MICAL2: variants seen among roughly 807,000 people sequenced by gnomAD.
MICAL2 encodes the protein microtubule associated monooxygenase, calponin and LIM domain containing 2.
MICAL2 carries 77 observed loss-of-function variants against 127.3 expected under a neutral mutation model. The observed-to-expected ratio is 0.60, with a 90% CI of 0.50 to 0.73. The LOEUF is 0.73. Ranked by LOEUF, MICAL2 falls within the 30% of genes least tolerant of loss-of-function variation. The pLI is 0.00. For synonymous variants in MICAL2, 570 were observed against 551.1 expected, an observed-to-expected ratio of 1.03 and a Z score of -0.48; for missense variants, 1,351 against 1,434.4, an observed-to-expected ratio of 0.94 and a Z score of 0.94.
intron 1 of MICAL2, among the ~76,000 whole-genome samples, chr11:12,132,805 G>C (rs454697): frequency 6.6e-6 from 1 of 152,218 alleles, no homozygotes; most frequent in African/African-American, 2.4e-5. Context: ...TAATTCTCTA[G>C]CAAATGCTAG....
chr11:12,178,017 C>T (rs749372205), intron 3 of MICAL2, among the ~76,000 whole-genome samples: 1 of 152,220 alleles, frequency 6.6e-6, no homozygotes, highest in Non-Finnish European at 1.5e-5. Context: ...TGGTGGCTGG[C>T]AGCCCATAGG....
rs530419956 is a variant in MICAL2, at chr11:12,176,668, A to T, written c.264+14249A>T. On this transcript the variant is annotated intron_variant, in intron 3 of 27. Transcript: ENST00000683283. ...CTCCCCTCAGCCTTTGGCAACCACC[A>T]TTCTTTCTGTCTCTATGAATTTGAT... 3.9e-5 allele frequency among the ~76,000 whole-genome samples: 6 copies of T among 152,178 alleles called. No individual in the cohort carries two copies. In the South Asian group the frequency reaches 1.2e-3, roughly 32 times the overall value.
chr11:12,261,789 T>C (rs1242502897), intron 26 of MICAL2: 2 of 985,426 alleles, frequency 2.0e-6, no homozygotes, highest in African/African-American at 3.5e-5. Context: ...TCTGTCCTTG[T>C]TGGCACTGTT....
intron 29 of MICAL2, chr11:12,303,672 T>G (rs1590729819): frequency 6.6e-6 from 1 of 152,360 alleles, no homozygotes; most frequent in East Asian, 1.9e-4. Flanking sequence ...TTAGATATTC[T>G]TCTGTCAGAA....
intron 3 of MICAL2, among the ~76,000 whole-genome samples, chr11:12,168,157 C>CACACACAT: frequency 1.3e-5 from 2 of 151,422 alleles, no homozygotes. Context: ...CACACACACA[C>CACACACAT]ACACACACAC....
downstream of MICAL2, among the ~76,000 whole-genome samples, chr11:12,360,076 T>A (rs1939184735): frequency 6.6e-6 from 1 of 150,504 alleles, no homozygotes; most frequent in Non-Finnish European, 1.5e-5. Flanking sequence ...TTCCAAAGGT[T>A]GCAGTTCTTT....
chr11:12,221,198 T>G (rs540180061), intron 9 of MICAL2, among the ~76,000 whole-genome samples: 73 of 152,180 alleles, frequency 4.8e-4, no homozygotes, highest in Non-Finnish European at 8.5e-4. Flanking sequence ...CCTCCCCTCC[T>G]CCCATGCTCC....
intron 3 of MICAL2, chr11:12,195,918 T>C (rs1413444632): frequency 6.5e-6 from 1 of 152,710 alleles, no homozygotes; most frequent in African/African-American, 2.4e-5. Flanking sequence ...CCACATCCTG[T>C]GATTCTGACT....
chr11:12,149,129 C>T (rs1179485557), intron 2 of MICAL2, among the ~76,000 whole-genome samples: 3 of 152,066 alleles, frequency 2.0e-5, no homozygotes, highest in South Asian at 2.1e-4. Flanking sequence ...AAACAGAGTC[C>T]AGATAGGCAT....
intron 3 of MICAL2, among the ~76,000 whole-genome samples, chr11:12,196,911 C>A (rs1860013650): frequency 6.6e-6 from 1 of 152,172 alleles, no homozygotes; most frequent in African/African-American, 2.4e-5. Context: ...TCTCAGCATG[C>A]CATTTGTTTT....
chr11:12,239,623 G>A, intron 17 of MICAL2, 38 bp downstream of exon 17: 3 of 1,601,734 alleles, frequency 1.9e-6, no homozygotes, highest in Non-Finnish European at 2.6e-6. Context: ...CTAACTTCCT[G>A]GTGACTTTTC....
intron 32 of MICAL2, among the ~76,000 whole-genome samples, chr11:12,333,276 A>G (rs1475833668): frequency 6.6e-6 from 1 of 152,220 alleles, no homozygotes; most frequent in Non-Finnish European, 1.5e-5. Flanking sequence ...TGAAAAATTA[A>G]AGAGGAAAAT....
downstream of MICAL2, chr11:12,294,801 C>CTCCTCT: frequency 1.4e-6 from 2 of 1,387,050 alleles, no homozygotes; most frequent in Admixed American, 2.3e-5. Context: ...CAGGCAGCTC[C>CTCCTCT]TCCTCCTCCT....
Position 12,259,857 on chromosome 11 carries a change from C to T in MICAL2, c.3294C>T (p.Cys1098=), listed in dbSNP as rs752693820. 4.4e-6 allele frequency: 7 copies of T among 1,608,228 alleles called. No homozygotes were observed. The highest frequency in any genetic ancestry group is 2.2e-5 in the East Asian group (1 of 44,724). Residue 1098 remains cysteine, a synonymous_variant, in exon 26 of 28, where the codon TGC becomes TGT. Coordinates refer to ENST00000683283, the MANE Select transcript of MICAL2 (RefSeq NM_001282663.2). Reference sequence around the variant, plus strand: ...GAGACACTCCCACCGAAAGTTCTTGCGCAGTGGCCGCCATTGGCACCCTGG... The same window carrying T: ...GAGACACTCCCACCGAAAGTTCTTGTGCAGTGGCCGCCATTGGCACCCTGG... ...PRRDTPTESS[C]AVAAIGTLEG...
chr11:12,261,205 A>C, intron 26 of MICAL2: 7 of 985,504 alleles, frequency 7.1e-6, no homozygotes, highest in Non-Finnish European at 8.4e-6. Context: ...TTGCCTGTGG[A>C]CATCCTGACT....
At chr11:12,163,422 C>A (rs1185390703) in intron 3 of MICAL2, among the ~76,000 whole-genome samples, 2 of 152,216 alleles carry the variant, frequency 1.3e-5, no homozygotes, top group Admixed American at 6.5e-5. Context: ...GAGGATTGAA[C>A]TCTCCATGGC....
At chr11:12,177,934 T>C (rs775334385) in intron 3 of MICAL2, among the ~76,000 whole-genome samples, 2 of 152,190 alleles carry the variant, frequency 1.3e-5, no homozygotes, top group East Asian at 1.9e-4. Flanking sequence ...TATTGTGAAA[T>C]ATATATATTT....
upstream of MICAL2, among the ~76,000 whole-genome samples, chr11:12,272,040 A>G (rs1324898241): frequency 6.6e-6 from 1 of 151,800 alleles, no homozygotes; most frequent in Non-Finnish European, 1.5e-5. Context: ...CGTGCCCTCC[A>G]CCCTCCTGGA....
chr11:12,230,716 C>CCT (rs1565209640), intron 15 of MICAL2, among the ~76,000 whole-genome samples: 1 of 150,928 alleles, frequency 6.6e-6, no homozygotes, highest in African/African-American at 2.5e-5. Flanking sequence ...TTCTTCTTTC[C>CCT]CCCCCCATCT....
Sources: allele counts gnomAD v4.1 joint callset (sites outside exome capture counted in the v4.1 genomes callset), GRCh38; gene constraint gnomAD v4.1.1; transcripts MANE v1.5; gene names NCBI Gene and HGNC (gene_info 2026-07-23, HGNC 2026-07-21).